The following ANXA9 variants were observed in gnomAD, a reference collection of about 807,000 sequenced individuals.
ANXA9 encodes the protein annexin 31.
Under a neutral mutation model 51.8 loss-of-function variants are expected in ANXA9, and 47 were observed. That is an observed-to-expected ratio of 0.91 (90% CI 0.72 to 1.16). The LOEUF is 1.16. ANXA9 is among the 50% of genes most tolerant of loss of function. The pLI is 0.00. For synonymous variants in ANXA9, 154 were observed against 168.7 expected (o/e 0.91, Z 0.68); for missense variants, 361 against 424.7 (o/e 0.85, Z 1.32).
chr1:150,986,516 T>A (rs1241826067), intron 8 of ANXA9, 86 bp from the exon 9 acceptor site: 1 of 1,578,686 alleles, frequency 6.3e-7, no homozygotes. Context: ...AAGAGAGGGC[T>A]TTAGGGGAGA....
Position 150,995,264 on chromosome 1 carries a change from C to A in ANXA9, c.980C>A (p.Ala327Glu). ...GKSLYSSLQD[A>E]VKGDCQSALL... is the part of the protein sequence containing the mutation. ...ACTGAATTCCCTTGTCTGCAGGATG[C>A]AGTGAAAGGGGATTGCCAGTCAGCC... Residue 327 changes from alanine (A) to glutamate (E), a missense_variant, in exon 14 of 14, where the codon GCA becomes GAA. Transcript: ENST00000368947. 1 of 1,609,744 alleles carries A rather than the reference C, an allele frequency of 6.2e-7. No homozygotes were observed. Among genetic ancestry groups the A allele is most frequent in the Non-Finnish European group, 8.5e-7 (1 of 1,177,874 alleles).
chr1:150,981,159 A>G (rs587671851), upstream of ANXA9, among the ~76,000 whole-genome samples: 4 of 152,278 alleles, frequency 2.6e-5, no homozygotes, highest in South Asian at 2.1e-4. Flanking sequence ...ACACAGGTGC[A>G]TGTTTTCCTT....
rs761839467 is a variant in ANXA9 at position 150,983,977 on chromosome 1, G to A, written c.175G>A (p.Val59Met). Residue 59 changes from valine to methionine, a missense_variant and splice_region_variant, in exon 5 of 14, where the codon GTG (valine) becomes ATG (methionine). By Grantham distance (21) the Val-to-Met change is conservative (BLOSUM62 1). Transcript: ENST00000368947. ...GCACAGCCCTCATCTCGGTTCAGGC[G>A]TGGACCGCAGTGCCATTGTGGACGT... Reference protein sequence around the residue: ...RLLRAITGQGVDRSAIVDVLT... With the variant: ...RLLRAITGQGMDRSAIVDVLT... 3.4e-5 allele frequency: 55 copies of A among 1,611,878 alleles called. No homozygotes were observed. The highest frequency in any genetic ancestry group is 4.4e-5 in the Non-Finnish European group (52 of 1,179,266).
At chr1:150,989,346 G>A (rs1177064545) in intron 12 of ANXA9, among the ~76,000 whole-genome samples, 1 of 150,092 alleles carries the variant, frequency 6.7e-6, no homozygotes, top group Non-Finnish European at 1.5e-5. Context: ...CAGTTATTCT[G>A]TTGATTGAAT....
Position 150,983,390 on chromosome 1 carries a change from T to A in ANXA9, c.128T>A (p.Val43Glu), listed in dbSNP as rs1671463712. The A allele has an allele frequency of 1.2e-6, 2 of 1,613,986 alleles. No homozygotes were observed. The highest frequency in any genetic ancestry group is 1.1e-5 in the South Asian group (1 of 91,026). The change falls in exon 4 of 14, where the codon GTG becomes GAG. Residue 43 changes from valine to glutamate, a missense_variant. Physicochemically the swap from Val to Glu is moderately radical, Grantham distance 121. Transcript: ENST00000368947. ...CTCAGGACCTTCTTGAACTTCAGCG[T>A]GGACAAGGATGCGCAGAGGCTACTG... ...GTLRTFLNFSVDKDAQRLLRA... is the reference protein window; with the variant it reads ...GTLRTFLNFSEDKDAQRLLRA...
intron 12 of ANXA9, among the ~76,000 whole-genome samples, chr1:150,989,213 A>G (rs1671640236): frequency 6.6e-6 from 1 of 151,802 alleles, no homozygotes; most frequent in Non-Finnish European, 1.5e-5. Flanking sequence ...TCCTGACCTC[A>G]GGTCATCAAC....
intron 4 of ANXA9, among the ~76,000 whole-genome samples, chr1:150,983,639 T>C (rs1479745969): frequency 1.3e-5 from 2 of 152,144 alleles, no homozygotes; most frequent in Non-Finnish European, 1.5e-5. Context: ...ATTTTCCAGA[T>C]GAGGAAACTG....
upstream of ANXA9, among the ~76,000 whole-genome samples, chr1:150,980,022 G>C (rs184203590): frequency 1.2e-3 from 179 of 152,282 alleles, no homozygotes; most frequent in African/African-American, 4.1e-3. Context: ...TTTGCTTTTA[G>C]CCACCACGCT....
At chr1:150,984,471 C>T (rs2305815) in intron 6 of ANXA9, 77 bp downstream of exon 6, 129,953 of 1,525,844 alleles carry the variant, frequency 0.085, 6,417 homozygotes, top group East Asian at 0.18. Flanking sequence ...AGACGAGAGT[C>T]CCCCTCTCGT....
At chr1:150,987,302 G>A (rs764615204) in intron 9 of ANXA9, among the ~76,000 whole-genome samples, 2 of 151,878 alleles carry the variant, frequency 1.3e-5, no homozygotes, top group African/African-American at 2.4e-5. Context: ...GCTGAGGTAA[G>A]CCCTGGTCAT....
rs192891238 is a variant in ANXA9, at chr1:150,991,023, G to A, written c.852+2682G>A. 2.6e-4 allele frequency among the ~76,000 whole-genome samples: 40 copies of A among 151,180 alleles called. No homozygotes were observed. The East Asian group carries it at 7.6e-3, about 29-fold the overall frequency. On this transcript the variant is annotated intron_variant, in intron 12 of 13. Transcript: ENST00000368947. ...CCAGGCGTGGTAGCGGGCGCCTGTA[G>A]TCCCAGCTACGCTGGAGGCTAAGGC...
In ANXA9 at chr1:150,985,190, T is replaced by TCTCA. The variant is rs1553245700; in HGVS notation, c.472+515_472+516insTCAC. On this transcript the variant is annotated intron_variant, in intron 7 of 13. Coordinates refer to ENST00000368947, the MANE Select transcript of ANXA9 (RefSeq NM_003568.3). ...ATGTCTCTCTCTCTCTCTCTCTCTC[T>TCTCA]CACACACACACACACACACACACAC... 2.2e-3 allele frequency among the ~76,000 whole-genome samples: 325 copies of TCTCA among 147,018 alleles called. 4 individuals carry two copies. The highest frequency in any genetic ancestry group is 1.8e-3 in the African/African-American group (72 of 39,884).
At chr1:150,987,337 C>A (rs373774570) in intron 9 of ANXA9, among the ~76,000 whole-genome samples, 14 of 150,014 alleles carry the variant, frequency 9.3e-5, no homozygotes, top group African/African-American at 3.4e-4. Flanking sequence ...GCCTGGGTGA[C>A]AGAGAGAGAC....
chr1:150,982,064 G>A (rs1047706017), upstream of ANXA9: 3 of 152,312 alleles, frequency 2.0e-5, no homozygotes, highest in African/African-American at 7.2e-5. Flanking sequence ...AGCCTCCTGT[G>A]TTTGAGGCTG....
upstream of ANXA9, among the ~76,000 whole-genome samples, chr1:150,979,858 T>G (rs768026326): frequency 6.6e-6 from 1 of 152,228 alleles, no homozygotes; most frequent in Non-Finnish European, 1.5e-5. Flanking sequence ...TTCTAAGTGC[T>G]TTATATGCAC....
intron 13 of ANXA9, 70 bp from the exon 14 acceptor site, chr1:150,995,190 A>G: frequency 6.6e-7 from 1 of 1,510,174 alleles, no homozygotes; most frequent in Non-Finnish European, 9.1e-7. Context: ...GACCAGCCCA[A>G]AGGAGGGGAG....
At chr1:150,989,832 A>G (rs587725423) in intron 12 of ANXA9, among the ~76,000 whole-genome samples, 55 of 152,352 alleles carry the variant, frequency 3.6e-4, no homozygotes, top group African/African-American at 1.2e-3. Context: ...GTAGATTATT[A>G]TACTTGCCCA....
At chr1:150,991,005 T>C (rs1241787957) in intron 12 of ANXA9, among the ~76,000 whole-genome samples, 2 of 151,402 alleles carry the variant, frequency 1.3e-5, no homozygotes, top group Non-Finnish European at 2.9e-5. Flanking sequence ...TAGCCAGGCG[T>C]GGTAGCGGGC....
chr1:150,978,254 A>T (rs1671367598), upstream of ANXA9, among the ~76,000 whole-genome samples: 1 of 152,028 alleles, frequency 6.6e-6, no homozygotes, highest in Non-Finnish European at 1.5e-5. Context: ...AACATGGTGA[A>T]ACCCTGTCTC....
Sources: gnomAD v4.1 joint callset for allele counts (sites outside exome capture counted in the v4.1 genomes callset) on GRCh38, gnomAD v4.1.1 for gene constraint, MANE v1.5 for transcripts, NCBI Gene and HGNC (gene_info 2026-07-23, HGNC 2026-07-21) for gene names.